The following SDHA variants were observed in gnomAD, a reference collection of about 807,000 sequenced individuals.
SDHA encodes succinate dehydrogenase complex flavoprotein subunit A.
Under a neutral mutation model 78.4 loss-of-function variants are expected in SDHA, and 48 were observed. That is an observed-to-expected ratio of 0.61 (90% CI 0.49 to 0.78). The LOEUF (loss-of-function observed/expected upper bound fraction) is 0.78, where lower values mean the gene tolerates loss of function less well. SDHA is among the 30% of genes least tolerant of loss of function. SDHA has a pLI of 0.00. For missense variants in SDHA, 680 were observed against 892.7 expected (o/e 0.76, Z 3.04); for synonymous variants, 326 against 353.9 (o/e 0.92, Z 0.88).
rs1554002895 is a variant in SDHA, at chr5:256,386, G to C, written c.1961G>C (p.Cys654Ser). Reference protein sequence around the residue: ...VIDKTLNEADCATVPPAIRSY With the variant: ...VIDKTLNEADSATVPPAIRSY ...GACAAAACTTTGAACGAGGCTGACT[G>C]TGCCACCGTCCCGCCAGCCATTCGC... Residue 654 changes from cysteine to serine, a missense_variant, in exon 15 of 15, where the codon TGT becomes TCT. Transcript: ENST00000264932. The C allele has an allele frequency of 1.2e-6, 2 of 1,613,922 alleles. No individual in the cohort carries two copies. The highest frequency in any genetic ancestry group is 1.7e-6 in the Non-Finnish European group (2 of 1,179,808).
chr5:221,194 A>G (rs1734694524), intron 1 of SDHA, among the ~76,000 whole-genome samples: 1 of 152,242 alleles, frequency 6.6e-6, no homozygotes, highest in South Asian at 2.1e-4. Context: ...GTTGTAAAAG[A>G]ATCAATGAGT....
At chr5:265,251 A>G in the SDHA span, among the ~76,000 whole-genome samples, 2 of 152,210 alleles carry the variant, frequency 1.3e-5, no homozygotes, top group Admixed American at 6.5e-5. Context: ...GTAAAACCAT[A>G]TACTAAATTT....
chr5:244,219 G>C (rs1736311830), intron 11 of SDHA, among the ~76,000 whole-genome samples: 1 of 151,680 alleles, frequency 6.6e-6, no homozygotes, highest in African/African-American at 2.4e-5. Context: ...ATGCTGCACA[G>C]TAGCTGTGAG....
In SDHA at chr5:225,932, A is replaced by G. The variant is rs1464540890; in HGVS notation, c.506A>G (p.Tyr169Cys). 2.5e-6 allele frequency: 4 copies of G among 1,613,792 alleles called. No individual in the cohort carries two copies. The highest frequency in any genetic ancestry group is 3.4e-6 in the Non-Finnish European group (4 of 1,180,018). Residue 169 changes from tyrosine to cysteine, a missense_variant, in exon 5 of 15, where the codon TAT becomes TGT. Coordinates refer to ENST00000264932, the MANE Select transcript of SDHA (RefSeq NM_004168.4). ...PFSRTEDGKIYQRAFGGQSLK... is the reference protein window; with the variant it reads ...PFSRTEDGKICQRAFGGQSLK... The stretch of plus-strand genomic sequence containing the variant: ...AGCAGAACTGAAGATGGGAAGATTT[A>G]TCAGCGTGCATTTGGTGGACAGAGC...
chr5:222,224 T>C (rs1734757134), intron 1 of SDHA, among the ~76,000 whole-genome samples: 1 of 152,094 alleles, frequency 6.6e-6, no homozygotes, highest in Admixed American at 6.5e-5. Flanking sequence ...ATTGGAGAAA[T>C]GAAGAATAAT....
intron 13 of SDHA, 59 bp from the exon 14 acceptor site, chr5:254,334 G>C (rs1737039046): frequency 6.6e-7 from 1 of 1,513,860 alleles, no homozygotes; most frequent in Admixed American, 2.0e-5. Flanking sequence ...TGTCTGCTGT[G>C]TTTTTTCTGT....
intron 13 of SDHA, among the ~76,000 whole-genome samples, chr5:254,157 T>C (rs6893024): frequency 0.23 from 34,325 of 146,282 alleles, 6,300 homozygotes; most frequent in African/African-American, 0.52. Flanking sequence ...TAAAGGATGC[T>C]TAAGGGAACA....
intron 6 of SDHA, among the ~76,000 whole-genome samples, chr5:230,303 G>A (rs561484826): frequency 5.6e-4 from 85 of 152,102 alleles, no homozygotes; most frequent in Middle Eastern, 3.4e-3. Flanking sequence ...ATGCTTATTG[G>A]GGAAACCTTT....
the SDHA span, among the ~76,000 whole-genome samples, chr5:266,637 G>A: frequency 1.3e-5 from 2 of 152,154 alleles, no homozygotes; most frequent in Non-Finnish European, 2.9e-5. Flanking sequence ...TAAAATAATT[G>A]GGTCAATATA....
rs552260521 is a variant in SDHA, at chr5:254,312, A to G, written c.1795-81A>G. 8 of 1,290,392 alleles carry G rather than the reference A, an allele frequency of 6.2e-6. No homozygotes were observed. In the South Asian group the frequency reaches 1.0e-4, roughly 16 times the overall value. The allele number at this position is 1,290,392 out of a possible 1,614,324, so 79.9% of individuals were successfully genotyped here. On this transcript the variant is annotated intron_variant, in intron 13 of 14. Transcript: ENST00000264932. ...ATGAGTTCTAGGGCATCTGTCTCTT[A>G]GATCATGTTAATGTCTGCTGTGTTT...
intron 10 of SDHA, among the ~76,000 whole-genome samples, chr5:239,372 A>C (rs1307452408): frequency 6.6e-6 from 1 of 152,126 alleles, no homozygotes; most frequent in Admixed American, 6.5e-5. Context: ...AGACTGGCCA[A>C]CATGGTGAAA....
chr5:247,801 C>G (rs972316597), intron 11 of SDHA, among the ~76,000 whole-genome samples: 37 of 152,186 alleles, frequency 2.4e-4, no homozygotes. Context: ...ACAGATAACG[C>G]CCCAGGCTAT....
chr5:229,079 C>T (rs9687621), intron 6 of SDHA, among the ~76,000 whole-genome samples: 19,670 of 151,972 alleles, frequency 0.13, 1,343 homozygotes, highest in Admixed American at 0.17. Context: ...CATCTCATCT[C>T]GCTCCAGTTA....
At chr5:242,807 A>T (rs1342024853) in intron 11 of SDHA, among the ~76,000 whole-genome samples, 1 of 152,180 alleles carries the variant, frequency 6.6e-6, no homozygotes, top group Non-Finnish European at 1.5e-5. Flanking sequence ...ACAATGGGAC[A>T]CGTGTGGGCT....
chr5:234,383 C>T (rs1245709438), intron 8 of SDHA: 2 of 139,530 alleles, frequency 1.4e-5, no homozygotes, highest in Admixed American at 7.8e-5. Context: ...CACACCACTG[C>T]ACTCCAGCCT....
chr5:223,747 A>G (rs1734844945), intron 2 of SDHA, among the ~76,000 whole-genome samples, 179 bp downstream of exon 2: 1 of 152,198 alleles, frequency 6.6e-6, no homozygotes. Flanking sequence ...AAATATAAAC[A>G]TAGATGTTTA....
intron 10 of SDHA, among the ~76,000 whole-genome samples, chr5:239,217 A>G (rs888286201): frequency 3.6e-5 from 5 of 137,160 alleles, no homozygotes; most frequent in Admixed American, 3.5e-4. Flanking sequence ...AAATATATAT[A>G]ACGTTATAAA....
downstream of SDHA, among the ~76,000 whole-genome samples, chr5:257,280 G>A (rs1401312359): frequency 2.0e-5 from 3 of 152,132 alleles, no homozygotes; most frequent in Non-Finnish European, 2.9e-5. Flanking sequence ...GAACCAGGCC[G>A]CACAGTAGGA....
chr5:229,295 A>G (rs1735235893), intron 6 of SDHA, among the ~76,000 whole-genome samples: 1 of 152,272 alleles, frequency 6.6e-6, no homozygotes. Context: ...AGAAGCTCAA[A>G]GAGACACCTG....
Sources: allele counts gnomAD v4.1 joint callset (sites outside exome capture counted in the v4.1 genomes callset), GRCh38; gene constraint gnomAD v4.1.1; transcripts MANE v1.5; gene names NCBI Gene and HGNC (gene_info 2026-07-23, HGNC 2026-07-21).